JMJD1C: variants seen among roughly 807,000 people sequenced by gnomAD.
The protein encoded by JMJD1C is jumonji domain-containing protein 1C.
In JMJD1C, 31 loss-of-function variants were observed where a neutral mutation model predicts 245.3. The ratio of observed to expected loss-of-function variants is 0.13; its 90% confidence interval spans 0.09 to 0.17. The LOEUF (loss-of-function observed/expected upper bound fraction) is 0.17, where lower values mean the gene tolerates loss of function less well. Ranked by LOEUF, JMJD1C falls within the 10% of genes least tolerant of loss-of-function variation. The probability of loss-of-function intolerance (pLI) is 1.00; values close to 1 mark genes in which losing one functional copy is unlikely to be tolerated. For synonymous variants in JMJD1C, 1,057 were observed against 1,017.4 expected (o/e 1.04, Z -0.74); for missense variants, 2,691 against 3,000.2 (o/e 0.90, Z 2.41).
At chr10:63,293,023 G>T (rs991515759) in intron 2 of JMJD1C, among the ~76,000 whole-genome samples, 7 of 152,156 alleles carry the variant, frequency 4.6e-5, no homozygotes, top group African/African-American at 1.7e-4. Context: ...CAGCCTAGGC[G>T]AGAGTGAGAC....
intron 3 of JMJD1C, among the ~76,000 whole-genome samples, chr10:63,220,292 A>T (rs961578023): frequency 9.9e-5 from 15 of 152,236 alleles, no homozygotes; most frequent in Non-Finnish European, 1.8e-4. Context: ...ATTGGAAGCA[A>T]TATACAAATG....
chr10:63,181,454 T>C (rs952612357), intron 22 of JMJD1C, among the ~76,000 whole-genome samples: 1 of 152,132 alleles, frequency 6.6e-6, no homozygotes, highest in Non-Finnish European at 1.5e-5. Flanking sequence ...ATACAGAAGT[T>C]TGCCAGGAAG....
chr10:63,520,243 C>T (rs1371033201), intron 1 of JMJD1C, among the ~76,000 whole-genome samples: 1 of 152,146 alleles, frequency 6.6e-6, no homozygotes, highest in Non-Finnish European at 1.5e-5. Context: ...TGCCTCATAT[C>T]ACCCTTGAAA....
chr10:63,311,656 G>C (rs964005986), intron 2 of JMJD1C, among the ~76,000 whole-genome samples: 3 of 152,128 alleles, frequency 2.0e-5, no homozygotes, highest in Admixed American at 2.0e-4. Flanking sequence ...AATTTATACA[G>C]TATGTCAGGT....
intron 1 of JMJD1C, among the ~76,000 whole-genome samples, chr10:63,436,154 G>A (rs985063223): frequency 2.0e-5 from 3 of 152,142 alleles, no homozygotes; most frequent in Non-Finnish European, 1.5e-5. Flanking sequence ...GGGAGGAGGT[G>A]TTAAAGAGTA....
chr10:63,348,623 C>T (rs765220580), intron 2 of JMJD1C, among the ~76,000 whole-genome samples: 5 of 152,118 alleles, frequency 3.3e-5, no homozygotes, highest in Non-Finnish European at 5.9e-5. Flanking sequence ...TAAATTCATA[C>T]AAAGGTGACT....
At chr10:63,294,447 A>G (rs1859141624) in intron 2 of JMJD1C, among the ~76,000 whole-genome samples, 1 of 151,864 alleles carries the variant, frequency 6.6e-6, no homozygotes, top group African/African-American at 2.4e-5. Flanking sequence ...CGCCACACCC[A>G]GCTAATTTTT....
At chr10:63,458,792 T>C (rs908738148) in intron 1 of JMJD1C, among the ~76,000 whole-genome samples, 1 of 151,892 alleles carries the variant, frequency 6.6e-6, no homozygotes, top group African/African-American at 2.4e-5. Flanking sequence ...GGCATGATCA[T>C]GGCTCAATGC....
At chr10:63,185,468 G>T in intron 20 of JMJD1C, 95 bp downstream of exon 20, 1 of 756,888 alleles carries the variant, frequency 1.3e-6, no homozygotes. Context: ...GAAAGAAAAA[G>T]CCTACAGGTC....
intron 1 of JMJD1C, among the ~76,000 whole-genome samples, chr10:63,421,368 A>AT (rs1169381286): frequency 6.6e-6 from 1 of 152,178 alleles, no homozygotes; most frequent in Non-Finnish European, 1.5e-5. Flanking sequence ...TGGCAAAACT[A>AT]TATAGAGCAA....
intron 2 of JMJD1C, among the ~76,000 whole-genome samples, chr10:63,316,481 G>A (rs1031934944): frequency 6.6e-6 from 1 of 151,756 alleles, no homozygotes; most frequent in Non-Finnish European, 1.5e-5. Context: ...ACAGAGTTTC[G>A]CTCCTCTCCA....
chr10:63,431,588 G>A (rs993366411), intron 1 of JMJD1C, among the ~76,000 whole-genome samples: 14 of 152,308 alleles, frequency 9.2e-5, no homozygotes, highest in East Asian at 1.9e-4. Context: ...ATAATATGAC[G>A]TAATTCTGGT....
At chr10:63,246,226 T>C (rs1269496774) in intron 3 of JMJD1C, among the ~76,000 whole-genome samples, 1 of 152,044 alleles carries the variant, frequency 6.6e-6, no homozygotes, top group African/African-American at 2.4e-5. Context: ...AGGTCAGACA[T>C]ACCAAACAGA....
intron 10 of JMJD1C, chr10:63,204,484 C>T (rs1589139673): frequency 1.0e-6 from 1 of 985,196 alleles, no homozygotes; most frequent in Non-Finnish European, 1.2e-6. Flanking sequence ...CTGGAAGGTA[C>T]CTATCTTTTG....
chr10:63,300,960 T>G (rs1159424639), intron 2 of JMJD1C, among the ~76,000 whole-genome samples: 1 of 152,070 alleles, frequency 6.6e-6, no homozygotes, highest in African/African-American at 2.4e-5. Flanking sequence ...GTTAAGACCT[T>G]GGCATATTTT....
chr10:63,441,414 A>G (rs998631166), intron 1 of JMJD1C, among the ~76,000 whole-genome samples: 1 of 152,202 alleles, frequency 6.6e-6, no homozygotes, highest in Non-Finnish European at 1.5e-5. Flanking sequence ...ATAAAATGGA[A>G]ATAATAGTAG....
At chr10:63,172,472 A>T (rs1288976690) in intron 24 of JMJD1C, among the ~76,000 whole-genome samples, 45 of 152,220 alleles carry the variant, frequency 3.0e-4, no homozygotes, top group Admixed American at 2.9e-3. Flanking sequence ...CCTTCAGAAT[A>T]GAGACTTATT....
intron 1 of JMJD1C, among the ~76,000 whole-genome samples, chr10:63,394,701 A>G (rs1948341160): frequency 6.6e-6 from 1 of 152,004 alleles, no homozygotes. Context: ...AAAATCAGTC[A>G]GGCTTGGTGG....
intron 1 of JMJD1C, among the ~76,000 whole-genome samples, chr10:63,515,965 T>C (rs1470612129): frequency 6.6e-6 from 1 of 152,200 alleles, no homozygotes; most frequent in African/African-American, 2.4e-5. Flanking sequence ...TACTCAAATC[T>C]ATGATTATGG....
Sources: allele counts gnomAD v4.1 joint callset (sites outside exome capture counted in the v4.1 genomes callset), GRCh38; gene constraint gnomAD v4.1.1; transcripts MANE v1.5; gene names NCBI Gene and HGNC (gene_info 2026-07-23, HGNC 2026-07-21).